Variants in H2AZ1 observed in about 807,000 individuals in gnomAD.
The protein encoded by H2AZ1 is histone H2A.Z.
Under a neutral mutation model 16.6 loss-of-function variants are expected in H2AZ1, and 3 were observed. The observed-to-expected ratio is 0.18, with a 90% CI of 0.08 to 0.47. H2AZ1 has a LOEUF of 0.47. H2AZ1 is among the 20% of genes least tolerant of loss of function. H2AZ1 has a pLI of 0.98. For synonymous variants in H2AZ1, 78 were observed against 60.7 expected (o/e 1.28, Z -1.32); for missense variants, 27 against 163.6 (o/e 0.17, Z 4.55).
In H2AZ1 at chr4:99,949,757, C is replaced by A. The variant is rs2110233797; in HGVS notation, c.4-17G>T. ...ACCGCCAGCCTGCGGCGCGCACACGCCCGCGAGCGGAGGAGGAACGGAGAA... is the reference window on the plus strand; with the variant it reads ...ACCGCCAGCCTGCGGCGCGCACACGACCGCGAGCGGAGGAGGAACGGAGAA... On this transcript the variant is annotated splice_polypyrimidine_tract_variant and intron_variant, in intron 1 of 4. Coordinates refer to ENST00000296417, the MANE Select transcript of H2AZ1 (RefSeq NM_002106.4). 1.3e-6 allele frequency: 2 copies of A among 1,598,138 alleles called. No homozygotes were observed. The highest frequency in any genetic ancestry group is 1.7e-6 in the Non-Finnish European group (2 of 1,170,170).
rs773908326 is a variant in H2AZ1 at position 99,950,212 on chromosome 4, G to A, written c.-42C>T. 5.6e-6 allele frequency: 9 copies of A among 1,600,782 alleles called. No individual in the cohort carries two copies. The highest frequency in any genetic ancestry group is 2.2e-5 in the East Asian group (1 of 44,780). ...GCTCAAGCAAGCAAGGCAGAGAAAA[G>A]GCTAATCGGACCCACGGTGAGATCC... is the stretch of plus-strand genomic sequence containing the variant. On this transcript the variant is annotated 5_prime_UTR_variant, in exon 1 of 5. Transcript: ENST00000296417.
chr4:99,948,180 A>G lies in H2AZ1; in HGVS notation c.*282T>C. The G allele has an allele frequency of 1.7e-6, 1 of 587,804 alleles. No individual in the cohort carries two copies. The highest frequency in any genetic ancestry group is 3.1e-6 in the Non-Finnish European group (1 of 322,750). 36.4% of individuals were successfully genotyped at this position (587,804 alleles called of 1,614,324 possible). On this transcript the variant is annotated 3_prime_UTR_variant, in exon 5 of 5. Transcript: ENST00000296417. Reference sequence around the variant, plus strand: ...TTGTTACTATAACTTCTGCATCACAATTAAAATCCAAACAGTTTTTTAAAA... The same window carrying G: ...TTGTTACTATAACTTCTGCATCACAGTTAAAATCCAAACAGTTTTTTAAAA...
rs1178326245 is a variant in H2AZ1 at position 99,949,181 on chromosome 4, C to T, written c.195+92G>A. On this transcript the variant is annotated intron_variant, in intron 3 of 4. Transcript: ENST00000296417. ...TTAGGCCTCTCGCCGCGTTCAGGGC[C>T]TGGGAGTTTTCTTGCATCACTTTCC... 5.2e-6 allele frequency: 4 copies of T among 768,842 alleles called. No homozygotes were observed. In the East Asian group the frequency reaches 1.0e-4, roughly 20 times the overall value. 47.6% of individuals were successfully genotyped at this position (768,842 alleles called of 1,614,324 possible).
At chr4:99,949,059 G>A (rs1017138792) in intron 3 of H2AZ1, 119 bp from the exon 4 acceptor site, 7 of 744,988 alleles carry the variant, frequency 9.4e-6, no homozygotes, top group Non-Finnish European at 1.7e-5. Context: ...CTATCTGACT[G>A]GCAAGATATA....
Position 99,948,395 on chromosome 4 carries a change from A to G in H2AZ1, c.*67T>C. On this transcript the variant is annotated 3_prime_UTR_variant, in exon 5 of 5. Coordinates refer to ENST00000296417, the MANE Select transcript of H2AZ1 (RefSeq NM_002106.4). The stretch of plus-strand genomic sequence containing the variant: ...TTTTCACAGAGATACAGTCCACTGG[A>G]ATCACCAACACTGGACAGCTGTTAG... 1.1e-6 allele frequency: 1 copy of G among 939,098 alleles called. No individual in the cohort carries two copies. The highest frequency in any genetic ancestry group is 1.8e-6 in the Non-Finnish European group (1 of 565,708). The allele number at this position is 939,098 out of a possible 1,614,324, so 58.2% of individuals were successfully genotyped here. A position where few individuals can be genotyped will look rare whatever the true frequency, so the allele number is the denominator to read the frequency against.
chr4:99,949,521 C>CA (rs1727226231), intron 2 of H2AZ1, 135 bp from the exon 3 acceptor site: 2 of 993,480 alleles, frequency 2.0e-6, no homozygotes, highest in South Asian at 1.3e-5. Context: ...TCCTCCCCCC[C>CA]ATATTTATCG....
In H2AZ1 at chr4:99,950,223, C is replaced by T; in HGVS notation, c.-53G>A. The T allele has an allele frequency of 1.3e-6, 2 of 1,586,066 alleles. No homozygotes were observed. Among genetic ancestry groups the T allele is most frequent in the Non-Finnish European group, 1.7e-6 (2 of 1,161,246 alleles). On this transcript the variant is annotated 5_prime_UTR_variant, in exon 1 of 5. Coordinates refer to ENST00000296417, the MANE Select transcript of H2AZ1 (RefSeq NM_002106.4). ...CAAGGCAGAGAAAAGGCTAATCGGA[C>T]CCACGGTGAGATCCCACCACCTACT...
intron 4 of H2AZ1, 63 bp downstream of exon 4, chr4:99,948,744 CTAAT>C (rs1304820246): frequency 4.5e-6 from 7 of 1,549,286 alleles, no homozygotes; most frequent in Admixed American, 2.1e-5. Flanking sequence ...CCTGGAAAAA[CTAAT>C]TAAAAGCAGC....
In H2AZ1 at chr4:99,948,650, A is replaced by C. The variant is rs1727197678; in HGVS notation, c.326-127T>G. 7 of 1,483,440 alleles carry C rather than the reference A, an allele frequency of 4.7e-6. No homozygotes were observed. In the South Asian group the frequency reaches 9.5e-5, roughly 20 times the overall value. 91.9% of individuals were successfully genotyped at this position (1,483,440 alleles called of 1,614,324 possible). A position where few individuals can be genotyped will look rare whatever the true frequency, so the allele number is the denominator to read the frequency against. On this transcript the variant is annotated intron_variant, in intron 4 of 4. Transcript: ENST00000296417. ...AAAACATGCAGCTCAAGTATGAAGT[A>C]AAAATTCATTGAGTTATACATATAA...
intron 1 of H2AZ1, 89 bp from the exon 2 acceptor site, chr4:99,949,829 C>G (rs113636272): frequency 2.9e-6 from 3 of 1,045,590 alleles, no homozygotes; most frequent in Non-Finnish European, 4.2e-6. Context: ...GCGGCGCGTC[C>G]CGCCGCGAGC....
rs1456963616 is a variant in H2AZ1, at chr4:99,950,151, G to C, written c.3+17C>G. The stretch of plus-strand genomic sequence containing the variant: ...GCAAAAACCCGCGGAGTCATCGAGC[G>C]TCTCTGCGAAGTTTACCATTTCGAA... On this transcript the variant is annotated intron_variant, in intron 1 of 4. Coordinates refer to ENST00000296417, the MANE Select transcript of H2AZ1 (RefSeq NM_002106.4). 5 of 1,608,618 alleles carry C rather than the reference G, an allele frequency of 3.1e-6. No individual in the cohort carries two copies. Among genetic ancestry groups the C allele is most frequent in the Non-Finnish European group, 4.2e-6 (5 of 1,177,388 alleles).
intron 1 of H2AZ1, 88 bp from the exon 2 acceptor site, chr4:99,949,828 C>G: frequency 9.2e-7 from 1 of 1,088,168 alleles, no homozygotes; most frequent in Non-Finnish European, 1.3e-6. Context: ...CGCGGCGCGT[C>G]CCGCCGCGAG....
Position 99,950,213 on chromosome 4 carries a change from G to T in H2AZ1, c.-43C>A, listed in dbSNP as rs1478706564. The T allele has an allele frequency of 4.4e-6, 7 of 1,600,162 alleles. No individual in the cohort carries two copies. Among genetic ancestry groups the T allele is most frequent in the Non-Finnish European group, 6.0e-6 (7 of 1,172,278 alleles). On this transcript the variant is annotated 5_prime_UTR_variant, in exon 1 of 5. Transcript: ENST00000296417. ...CTCAAGCAAGCAAGGCAGAGAAAAGGCTAATCGGACCCACGGTGAGATCCC... is the reference window on the plus strand; with the variant it reads ...CTCAAGCAAGCAAGGCAGAGAAAAGTCTAATCGGACCCACGGTGAGATCCC...
intron 4 of H2AZ1, 137 bp from the exon 5 acceptor site, chr4:99,948,660 TGA>T: frequency 6.8e-7 from 1 of 1,468,032 alleles, no homozygotes; most frequent in Non-Finnish European, 9.1e-7. Flanking sequence ...AAAAATTCAT[TGA>T]GTTATACATA....
At position 99,949,703 on chromosome 4, in the gene H2AZ1, T is replaced by C; in HGVS notation, c.41A>G (p.Lys14Arg). 1 of 1,614,008 alleles carries C rather than the reference T, an allele frequency of 6.2e-7. No homozygotes were observed. The highest frequency in any genetic ancestry group is 8.5e-7 in the Non-Finnish European group (1 of 1,179,950). ...CTGCGAGCGGGAAACCGCCTTTGTCTTGGCCTTTCCGGAGTCCTTTCCAGC... is the reference window on the plus strand; with the variant it reads ...CTGCGAGCGGGAAACCGCCTTTGTCCTGGCCTTTCCGGAGTCCTTTCCAGC... The part of the protein sequence containing the change: ...GKAGKDSGKA[K>R]TKAVSRSQRA... The change falls in exon 2 of 5, where the codon AAG becomes AGG. Residue 14 changes from lysine to arginine, a missense_variant. Lys to Arg is a conservative substitution (Grantham distance 26, BLOSUM62 2). Transcript: ENST00000296417.
intron 4 of H2AZ1, 93 bp downstream of exon 4, chr4:99,948,718 T>C (rs995300968): frequency 6.7e-7 from 1 of 1,502,934 alleles, no homozygotes; most frequent in Non-Finnish European, 8.9e-7. Flanking sequence ...ATTGAAAATA[T>C]ACTTAAATTT....
chr4:99,949,249 G>A, intron 3 of H2AZ1, 24 bp downstream of exon 3: 1 of 1,389,526 alleles, frequency 7.2e-7, no homozygotes, highest in Non-Finnish European at 1.0e-6. Flanking sequence ...ACCTTCTCCG[G>A]ATTATAGGCG....
chr4:99,949,775 A>T, intron 1 of H2AZ1, 35 bp from the exon 2 acceptor site: 1 of 1,546,870 alleles, frequency 6.5e-7, no homozygotes, highest in Non-Finnish European at 8.8e-7. Context: ...CGGAGGAGGA[A>T]CGGAGAATAT....
intron 2 of H2AZ1, 53 bp downstream of exon 2, chr4:99,949,610 G>T: frequency 6.6e-7 from 1 of 1,525,654 alleles, no homozygotes; most frequent in Non-Finnish European, 9.1e-7. Context: ...TAACAAAAAA[G>T]GAAATGCAAA....
Sources: allele counts gnomAD v4.1 joint callset, GRCh38; gene constraint gnomAD v4.1.1; transcripts MANE v1.5; gene names NCBI Gene and HGNC (gene_info 2026-07-23, HGNC 2026-07-21).